The following SMG5 variants were observed in gnomAD, a reference collection of about 807,000 sequenced individuals.
The protein encoded by SMG5 is nonsense-mediated mRNA decay factor SMG5.
SMG5 carries 53 observed loss-of-function variants against 122.9 expected under a neutral mutation model. That is an observed-to-expected ratio of 0.43 (90% CI 0.35 to 0.54). SMG5 has a LOEUF of 0.54. SMG5 is among the 20% of genes least tolerant of loss of function. The pLI is 0.01. For synonymous variants in SMG5, 477 were observed against 490.2 expected (o/e 0.97, Z 0.35); for missense variants, 1,153 against 1,285.6 (o/e 0.90, Z 1.58).
At chr1:156,282,930 T>A (rs1663039241), upstream of SMG5, 13 of 551,138 alleles carry the variant, frequency 2.4e-5, no homozygotes, top group Non-Finnish European at 3.8e-5. Flanking sequence ...TCCCGGGAAG[T>A]TGCCAGAACT....
At chr1:156,283,240 G>C (rs28372828), upstream of SMG5, among the ~76,000 whole-genome samples, 35,266 of 152,126 alleles carry the variant, frequency 0.23, 4,760 homozygotes, top group Non-Finnish European at 0.29. Flanking sequence ...GCATGTGAAA[G>C]TTTCCTTGGA....
chr1:156,257,902 C>T lies in SMG5; in HGVS notation c.2442+1103G>A, dbSNP rs190527266. Among the ~76,000 whole-genome samples the T allele has an allele frequency of 8.5e-5, 13 of 152,256 alleles. 1 individual carries two copies. In the East Asian group the frequency reaches 2.5e-3, roughly 29 times the overall value. ...ACTTCCTGTGCCAGACACTAACACCCCAATGTTCTGGTGCCACTTAGCTCA... is the reference window on the plus strand; with the variant it reads ...ACTTCCTGTGCCAGACACTAACACCTCAATGTTCTGGTGCCACTTAGCTCA... On this transcript the variant is annotated intron_variant, in intron 16 of 21. Transcript: ENST00000361813.
Position 156,266,522 on chromosome 1 carries a change from A to T in SMG5, c.1255+19T>A. On this transcript the variant is annotated intron_variant, in intron 11 of 21. Transcript: ENST00000361813. Reference sequence around the variant, plus strand: ...CCACACCAACCTTTCCATAGTGATGACCTCCCCGATTCTCCCACCTGTGCC... The same window carrying T: ...CCACACCAACCTTTCCATAGTGATGTCCTCCCCGATTCTCCCACCTGTGCC... 13 of 1,611,694 alleles carry T rather than the reference A, an allele frequency of 8.1e-6. No homozygotes were observed. The highest frequency in any genetic ancestry group is 1.1e-5 in the Non-Finnish European group (13 of 1,179,442).
chr1:156,265,369 A>C (rs1160556985), intron 12 of SMG5, among the ~76,000 whole-genome samples: 2 of 152,182 alleles, frequency 1.3e-5, no homozygotes, highest in East Asian at 3.8e-4. Flanking sequence ...GCTGCTACTA[A>C]ATGGGTACTC....
intron 15 of SMG5, among the ~76,000 whole-genome samples, 189 bp downstream of exon 15, chr1:156,260,262 C>T (rs1661757996): frequency 1.3e-5 from 2 of 152,176 alleles, no homozygotes; most frequent in African/African-American, 2.4e-5. Flanking sequence ...TTTAGAAGGA[C>T]TGCCAAGGCA....
At chr1:156,274,990 C>T (rs915661270) in intron 4 of SMG5, among the ~76,000 whole-genome samples, 1 of 151,656 alleles carries the variant, frequency 6.6e-6, no homozygotes, top group Non-Finnish European at 1.5e-5. Flanking sequence ...AGGAAGGCTT[C>T]CAAAAAGGAG....
chr1:156,287,241 C>A (rs980750017), upstream of SMG5, among the ~76,000 whole-genome samples: 1 of 151,998 alleles, frequency 6.6e-6, no homozygotes, highest in Admixed American at 6.6e-5. Context: ...AAGGTGAAAC[C>A]CCAGGTCTAC....
At chr1:156,264,752 G>A (rs1180251278) in intron 12 of SMG5, among the ~76,000 whole-genome samples, 1 of 152,132 alleles carries the variant, frequency 6.6e-6, no homozygotes, top group Non-Finnish European at 1.5e-5. Context: ...GGGGCTAGGT[G>A]TGGCGGCTCA....
chr1:156,255,532 T>C (rs1661540881), intron 16 of SMG5, among the ~76,000 whole-genome samples: 1 of 149,372 alleles, frequency 6.7e-6, no homozygotes, highest in South Asian at 2.1e-4. Context: ...AGAGCAAAAC[T>C]CCGTCTCAAA....
chr1:156,288,459 C>A, the SMG5 span, among the ~76,000 whole-genome samples: 1 of 151,956 alleles, frequency 6.6e-6, no homozygotes, highest in Non-Finnish European at 1.5e-5. Context: ...CTCAGCCCCC[C>A]GAGTAGCTGA....
At chr1:156,278,102 A>G (rs1055997558) in intron 2 of SMG5, 54 bp from the exon 3 acceptor site, 42 of 1,603,842 alleles carry the variant, frequency 2.6e-5, no homozygotes, top group Non-Finnish European at 3.2e-5. Context: ...GAGCAGGGAC[A>G]TAAGAACTGA....
chr1:156,286,237 C>T (rs770498118), upstream of SMG5: 28 of 1,611,754 alleles, frequency 1.7e-5, no homozygotes, highest in African/African-American at 1.3e-4. Context: ...TCTGACCCTA[C>T]CCTGTTTCCC....
intron 14 of SMG5, 77 bp downstream of exon 14, chr1:156,261,256 T>G: frequency 7.2e-7 from 1 of 1,384,348 alleles, no homozygotes; most frequent in Non-Finnish European, 1.0e-6. Context: ...AAGGGCTGGG[T>G]TATGGGGAGG....
Position 156,282,777 on chromosome 1 carries a change from GC to G in SMG5, c.-98del. ...TCCGGCCGTAGCCGCAGCCGCCGCC[GC>G]CACCGGCCCTGCTCGGCCGCCATCG... On this transcript the variant is annotated 5_prime_UTR_variant, in exon 1 of 22. An upstream open reading frame in the 5' UTR gains an earlier in-frame stop. Transcript: ENST00000361813. The G allele has an allele frequency of 1.5e-6, 2 of 1,328,008 alleles. No homozygotes were observed. Among genetic ancestry groups the G allele is most frequent in the Non-Finnish European group, 2.0e-6 (2 of 985,500 alleles). 82.3% of individuals were successfully genotyped at this position (1,328,008 alleles called of 1,614,324 possible).
intron 4 of SMG5, among the ~76,000 whole-genome samples, chr1:156,275,375 C>T (rs1662636566): frequency 1.3e-5 from 2 of 152,208 alleles, no homozygotes; most frequent in African/African-American, 2.4e-5. Flanking sequence ...CTGGTAACTT[C>T]AGAGAGCTTG....
At chr1:156,263,355 C>T (rs767210815) in intron 13 of SMG5, 40 bp downstream of exon 13, 1 of 1,580,606 alleles carries the variant, frequency 6.3e-7, no homozygotes, top group Non-Finnish European at 8.6e-7. Context: ...TCCTCCAAGA[C>T]CCTGGGACCT....
rs1661267382 is a variant in SMG5 at position 156,250,028 on chromosome 1, AAC to A, written c.*557_*558del. 2.3e-6 allele frequency: 1 copy of A among 437,052 alleles called. No individual in the cohort carries two copies. The highest frequency in any genetic ancestry group is 4.8e-6 in the Non-Finnish European group (1 of 207,750). 27.1% of individuals were successfully genotyped at this position (437,052 alleles called of 1,614,324 possible). On this transcript the variant is annotated 3_prime_UTR_variant, in exon 22 of 22. Transcript: ENST00000361813. ...AGGCCACTCCAGGCCTTGCTTCTCTAACAGCCCCTGTGGCTGGCTCCAGAGCT... is the reference window on the plus strand; with the variant it reads ...AGGCCACTCCAGGCCTTGCTTCTCTAAGCCCCTGTGGCTGGCTCCAGAGCT...
chr1:156,286,440 T>C (rs755958722), upstream of SMG5: 10 of 1,614,106 alleles, frequency 6.2e-6, no homozygotes, highest in South Asian at 1.1e-4. Context: ...CTCAAACTGC[T>C]CCCTCTGCTC....
In SMG5 at chr1:156,260,589, T is replaced by C; in HGVS notation, c.2145A>G (p.Glu715=). The part of the protein sequence containing the change: ...ALCPEVQDLL[E]GCELPDLPSS... ...AGGGGAGGTCAGGCAGTTCACAACC[T>C]TCAAGAAGATCTTGGACCTCAGGAC... The change falls in exon 15 of 22, where the codon GAA becomes GAG. Residue 715 remains glutamate, a synonymous_variant. Coordinates refer to ENST00000361813, the MANE Select transcript of SMG5 (RefSeq NM_015327.3). 6.6e-7 allele frequency: 1 copy of C among 1,520,716 alleles called. No homozygotes were observed. The highest frequency in any genetic ancestry group is 8.8e-7 in the Non-Finnish European group (1 of 1,139,980). 94.2% of individuals were successfully genotyped at this position (1,520,716 alleles called of 1,614,324 possible). A position where few individuals can be genotyped will look rare whatever the true frequency, so the allele number is the denominator to read the frequency against.
Sources: gnomAD v4.1 joint callset for allele counts (sites outside exome capture counted in the v4.1 genomes callset) on GRCh38, gnomAD v4.1.1 for gene constraint, MANE v1.5 for transcripts, NCBI Gene and HGNC (gene_info 2026-07-23, HGNC 2026-07-21) for gene names.